Variants in USP13 observed in about 807,000 individuals in gnomAD.
USP13 encodes ubiquitin specific peptidase 13, also known as ubiquitin carboxyl-terminal hydrolase 13.
Under a neutral mutation model 107.8 loss-of-function variants are expected in USP13, and 68 were observed. That is an observed-to-expected ratio of 0.63 (90% confidence interval 0.52 to 0.77). USP13 has a LOEUF of 0.77. Ranked by LOEUF, USP13 falls within the 30% of genes least tolerant of loss-of-function variation. The pLI is 0.00. For synonymous variants in USP13, 377 were observed against 389.5 expected (o/e 0.97, Z 0.38); for missense variants, 945 against 1,093.3 (o/e 0.86, Z 1.91).
intron 8 of USP13, among the ~76,000 whole-genome samples, chr3:179,727,127 A>G (rs1235405670): frequency 7.4e-6 from 1 of 135,290 alleles, no homozygotes; most frequent in Non-Finnish European, 1.6e-5. Context: ...TGTTACCATT[A>G]TTATTCATTT....
chr3:179,708,581 G>T (rs1478121869), intron 5 of USP13, among the ~76,000 whole-genome samples, 192 bp from the exon 6 acceptor site: 1 of 152,178 alleles, frequency 6.6e-6, no homozygotes, highest in Non-Finnish European at 1.5e-5. Flanking sequence ...CTCCCAAAGT[G>T]CTGGGGTTAC....
intron 15 of USP13, among the ~76,000 whole-genome samples, chr3:179,756,268 C>T (rs886333483): frequency 1.1e-4 from 17 of 152,196 alleles, no homozygotes; most frequent in African/African-American, 1.2e-4. Flanking sequence ...ACTAAAAATA[C>T]GAAAGTTCAC....
chr3:179,708,682 G>A, intron 5 of USP13, 91 bp from the exon 6 acceptor site: 2 of 1,477,620 alleles, frequency 1.4e-6, no homozygotes, highest in Non-Finnish European at 1.9e-6. Context: ...CCTTTGTTGT[G>A]ACCTGCCTAC....
intron 8 of USP13, among the ~76,000 whole-genome samples, chr3:179,725,643 T>C (rs2111391): frequency 0.8 from 121,847 of 152,142 alleles, 49,134 homozygotes; most frequent in East Asian, 0.93. Context: ...GCAAAAATGC[T>C]TTTTCTGTTT....
At chr3:179,728,864 C>T (rs900353504) in intron 8 of USP13, among the ~76,000 whole-genome samples, 19 of 151,642 alleles carry the variant, frequency 1.3e-4, no homozygotes, top group Non-Finnish European at 2.6e-4. Context: ...CGCCTACAAT[C>T]GCAGGCAGTC....
chr3:179,695,533 AT>A (rs199646442), intron 3 of USP13, among the ~76,000 whole-genome samples: 5,189 of 144,040 alleles, frequency 0.036, 117 homozygotes, highest in Non-Finnish European at 0.044. Context: ...TTTTGCTGCT[AT>A]TTTTTTTTTT....
At chr3:179,758,472 G>C (rs1560076908) in intron 16 of USP13, among the ~76,000 whole-genome samples, 1 of 152,094 alleles carries the variant, frequency 6.6e-6, no homozygotes, top group African/African-American at 2.4e-5. Flanking sequence ...TATCTGTCAT[G>C]AACTGACATT....
intron 20 of USP13, 24 bp from the exon 21 acceptor site, chr3:179,784,024 C>T (rs1334815583): frequency 1.3e-6 from 2 of 1,591,516 alleles, no homozygotes; most frequent in African/African-American, 2.7e-5. Flanking sequence ...TTAAATCCAT[C>T]AAATGCTTCT....
intron 6 of USP13, among the ~76,000 whole-genome samples, chr3:179,712,543 T>C (rs1712967975): frequency 6.6e-6 from 1 of 152,238 alleles, no homozygotes; most frequent in Admixed American, 6.5e-5. Flanking sequence ...TAAAGTTTTA[T>C]TCCTTATTTT....
intron 16 of USP13, among the ~76,000 whole-genome samples, chr3:179,758,939 A>ATTCT (rs10642531): frequency 0.047 from 7,086 of 152,038 alleles, 564 homozygotes; most frequent in African/African-American, 0.16. Flanking sequence ...ATATCCTTCT[A>ATTCT]TTATTGTGCC....
At chr3:179,726,160 T>C (rs1472983151) in intron 8 of USP13, among the ~76,000 whole-genome samples, 2 of 152,116 alleles carry the variant, frequency 1.3e-5, no homozygotes, top group Non-Finnish European at 2.9e-5. Flanking sequence ...AGGCGACTTG[T>C]CAACAGGCTT....
intron 1 of USP13, among the ~76,000 whole-genome samples, chr3:179,665,096 A>G (rs184898722): frequency 9.2e-5 from 14 of 152,260 alleles, no homozygotes; most frequent in Middle Eastern, 6.8e-3. Flanking sequence ...CAAAAGAAAA[A>G]AAAAAGATTA....
intron 4 of USP13, among the ~76,000 whole-genome samples, chr3:179,703,717 A>C (rs1232464761): frequency 6.6e-6 from 1 of 152,238 alleles, no homozygotes; most frequent in Non-Finnish European, 1.5e-5. Context: ...GATTGGTAGT[A>C]GCAGACCATT....
chr3:179,777,765 A>C (rs1206065420), intron 19 of USP13, among the ~76,000 whole-genome samples: 2 of 151,996 alleles, frequency 1.3e-5, no homozygotes, highest in Non-Finnish European at 2.9e-5. Flanking sequence ...TCCTCTCTTC[A>C]TTTCATGAAA....
At chr3:179,669,160 T>C (rs1253918830) in intron 1 of USP13, among the ~76,000 whole-genome samples, 1 of 152,192 alleles carries the variant, frequency 6.6e-6, no homozygotes, top group African/African-American at 2.4e-5. Context: ...TAGTGCGCTC[T>C]ATCCTAAAAT....
intron 13 of USP13, among the ~76,000 whole-genome samples, chr3:179,751,718 T>C (rs1473102586): frequency 6.6e-6 from 1 of 151,998 alleles, no homozygotes; most frequent in Non-Finnish European, 1.5e-5. Context: ...TTGAAACAGG[T>C]CCAAAAGCAT....
intron 19 of USP13, among the ~76,000 whole-genome samples, chr3:179,778,865 G>A (rs781683217): frequency 9.2e-5 from 14 of 152,200 alleles, no homozygotes; most frequent in Non-Finnish European, 1.6e-4. Context: ...AGGAGTGAGG[G>A]CGGGTGTGGA....
intron 19 of USP13, among the ~76,000 whole-genome samples, chr3:179,777,153 G>A (rs1318355057): frequency 6.6e-6 from 1 of 152,004 alleles, no homozygotes; most frequent in African/African-American, 2.4e-5. Context: ...TTATTTTTGT[G>A]GTTCTGAGTA....
intron 3 of USP13, among the ~76,000 whole-genome samples, chr3:179,696,362 C>T (rs1031916212): frequency 2.0e-5 from 2 of 101,698 alleles, no homozygotes; most frequent in Admixed American, 3.2e-4. Flanking sequence ...TGGAGTCTTG[C>T]TCTTGTTGCC....
Sources: gnomAD v4.1 joint callset for allele counts (sites outside exome capture counted in the v4.1 genomes callset) on GRCh38, gnomAD v4.1.1 for gene constraint, MANE v1.5 for transcripts, NCBI Gene and HGNC (gene_info 2026-07-23, HGNC 2026-07-21) for gene names.